The following PM20D2 variants were observed in gnomAD, a reference collection of about 807,000 sequenced individuals.
The protein encoded by PM20D2 is peptidase M20 domain containing 2.
Under a neutral mutation model 42.9 loss-of-function variants are expected in PM20D2, and 33 were observed. The ratio of observed to expected loss-of-function variants is 0.77; its 90% CI spans 0.58 to 1.03. The LOEUF (loss-of-function observed/expected upper bound fraction) is 1.03, where lower values mean the gene tolerates loss of function less well. Among genes scored for constraint, PM20D2 ranks in the 50% least tolerant of loss-of-function variants. PM20D2 has a pLI of 0.00. For synonymous variants in PM20D2, 250 were observed against 228.2 expected, an observed-to-expected ratio of 1.10 and a Z score of -0.86; for missense variants, 548 against 557.0, an observed-to-expected ratio of 0.98 and a Z score of 0.16.
chr6:89,099,439 T>C, the PM20D2 span, among the ~76,000 whole-genome samples: 2,555 of 126,732 alleles, frequency 0.02, 141 homozygotes, highest in African/African-American at 0.077. Flanking sequence ...TGTATATATA[T>C]ACACATATAT....
intron 5 of PM20D2, among the ~76,000 whole-genome samples, chr6:89,159,768 T>A (rs577689057): frequency 4.6e-5 from 7 of 152,190 alleles, no homozygotes; most frequent in Non-Finnish European, 8.8e-5. Flanking sequence ...GGCTGAGGGA[T>A]TGAGAGAGAA....
At chr6:89,149,230 T>C (rs1175253797) in intron 1 of PM20D2, 35 bp from the exon 2 acceptor site, 2 of 1,604,796 alleles carry the variant, frequency 1.2e-6, no homozygotes, top group Admixed American at 1.7e-5. Flanking sequence ...ATGAGGATTT[T>C]GTTGTTTTTC....
the PM20D2 span, among the ~76,000 whole-genome samples, chr6:89,101,442 C>T: frequency 6.6e-6 from 1 of 152,086 alleles, no homozygotes; most frequent in Non-Finnish European, 1.5e-5. Flanking sequence ...TGAAAACCGG[C>T]CGGGTGCGGT....
Position 89,163,168 on chromosome 6 carries a change from A to C in PM20D2, c.*905A>C, listed in dbSNP as rs1771302352. The C allele has an allele frequency of 6.6e-6, 1 of 152,162 alleles. No individual in the cohort carries two copies. Among genetic ancestry groups the C allele is most frequent in the Non-Finnish European group, 1.5e-5 (1 of 68,034 alleles). 9.4% of individuals were successfully genotyped at this position (152,162 alleles called of 1,614,324 possible). A position where few individuals can be genotyped will look rare whatever the true frequency, so the allele number is the denominator to read the frequency against. The stretch of plus-strand genomic sequence containing the variant: ...ATATTCAGTACTTTTTGAATAAGCA[A>C]ATATTGCTTCCTTGCTTGGAATCAT... On this transcript the variant is annotated 3_prime_UTR_variant, in exon 7 of 7. Coordinates refer to ENST00000275072, the MANE Select transcript of PM20D2 (RefSeq NM_001010853.3).
chr6:89,116,774 T>TAA, the PM20D2 span, among the ~76,000 whole-genome samples: 7 of 135,126 alleles, frequency 5.2e-5, no homozygotes, highest in East Asian at 2.2e-4. Flanking sequence ...AGACTTTGTC[T>TAA]AAAAAAAAAA....
the PM20D2 span, among the ~76,000 whole-genome samples, chr6:89,104,223 C>CTTTTTTTTTTTT: frequency 8.1e-6 from 1 of 123,564 alleles, no homozygotes; most frequent in African/African-American, 3.2e-5. Flanking sequence ...AACTCATCAC[C>CTTTTTTTTTTTT]TTTTTTTTTT....
chr6:89,108,305 C>T, the PM20D2 span, among the ~76,000 whole-genome samples: 1 of 152,310 alleles, frequency 6.6e-6, no homozygotes, highest in African/African-American at 2.4e-5. Context: ...CTTACAACCA[C>T]TTAATTCTTA....
chr6:89,110,811 CAT>C, the PM20D2 span, among the ~76,000 whole-genome samples: 4 of 152,112 alleles, frequency 2.6e-5, no homozygotes, highest in South Asian at 6.2e-4. Flanking sequence ...TTTCCAAAAA[CAT>C]GTGTTAGAAT....
chr6:89,155,965 A>G (rs1285259628), intron 4 of PM20D2, among the ~76,000 whole-genome samples: 1 of 149,256 alleles, frequency 6.7e-6, no homozygotes, highest in Non-Finnish European at 1.5e-5. Flanking sequence ...GCTCACTGCA[A>G]CCTCTGCCTC....
chr6:89,097,937 T>A, the PM20D2 span: 1 of 152,212 alleles, frequency 6.6e-6, no homozygotes, highest in Non-Finnish European at 1.5e-5. Flanking sequence ...CTGATATTAC[T>A]AATGTGGTCA....
chr6:89,152,093 C>CAA (rs201115863), intron 2 of PM20D2, among the ~76,000 whole-genome samples: 1 of 135,770 alleles, frequency 7.4e-6, no homozygotes, highest in Non-Finnish European at 1.6e-5. Flanking sequence ...AGATGAGTAC[C>CAA]AAAAAAAAAA....
chr6:89,132,519 TTGAG>T, the PM20D2 span, among the ~76,000 whole-genome samples: 1 of 151,328 alleles, frequency 6.6e-6, no homozygotes, highest in African/African-American at 2.5e-5. Context: ...AATTCAAAGT[TTGAG>T]TGAACAAATT....
At chr6:89,162,084 G>T (rs1351114050) in intron 6 of PM20D2, 25 bp from the exon 7 acceptor site, 2 of 1,592,594 alleles carry the variant, frequency 1.3e-6, no homozygotes, top group East Asian at 2.2e-5. Flanking sequence ...AAGTAAGGAG[G>T]TATTTTATTT....
the PM20D2 span, among the ~76,000 whole-genome samples, chr6:89,108,444 C>T: frequency 6.6e-6 from 1 of 152,216 alleles, no homozygotes. Flanking sequence ...TCTAAGCTCA[C>T]TGAGCCAGCA....
chr6:89,123,159 GTTTC>G, the PM20D2 span, among the ~76,000 whole-genome samples: 1 of 152,090 alleles, frequency 6.6e-6, no homozygotes, highest in Admixed American at 6.5e-5. Flanking sequence ...TTGGGGGGGT[GTTTC>G]TTTCTAATTA....
chr6:89,154,712 C>T (rs755861226), intron 3 of PM20D2, 36 bp from the exon 4 acceptor site: 12 of 1,411,184 alleles, frequency 8.5e-6, no homozygotes, highest in South Asian at 7.9e-5. Context: ...GAAATGGTCA[C>T]CAAGCTTAAT....
the PM20D2 span, among the ~76,000 whole-genome samples, chr6:89,107,844 A>G: frequency 1.9e-3 from 295 of 152,310 alleles, 3 homozygotes; most frequent in African/African-American, 6.2e-3. Flanking sequence ...GTATCTTTAC[A>G]AGCACTCCAG....
At chr6:89,098,571 T>C in the PM20D2 span, 1 of 1,602,538 alleles carries the variant, frequency 6.2e-7, no homozygotes, top group Non-Finnish European at 8.5e-7. Flanking sequence ...GCTCTTTCTG[T>C]TGCTGTTCAC....
chr6:89,115,870 C>T, the PM20D2 span, among the ~76,000 whole-genome samples: 2 of 149,938 alleles, frequency 1.3e-5, no homozygotes, highest in Admixed American at 1.3e-4. Context: ...CTCCTGACCT[C>T]GTGATCCGCC....
Sources: gnomAD v4.1 joint callset for allele counts (sites outside exome capture counted in the v4.1 genomes callset) on GRCh38, gnomAD v4.1.1 for gene constraint, MANE v1.5 for transcripts, NCBI Gene and HGNC (gene_info 2026-07-23, HGNC 2026-07-21) for gene names.